The following SPIRE2 variants were observed in gnomAD, a reference collection of about 807,000 sequenced individuals.
SPIRE2 encodes protein spire homolog 2.
A neutral mutation model predicts 80.7 loss-of-function variants in SPIRE2; 76 were observed. The ratio of observed to expected loss-of-function variants is 0.94; its 90% CI spans 0.78 to 1.14. SPIRE2 has a LOEUF of 1.14. Among genes scored for constraint, SPIRE2 ranks in the 50% most tolerant of loss-of-function variants. The pLI is 0.00. For synonymous variants in SPIRE2, 535 were observed against 432.6 expected, an observed-to-expected ratio of 1.24 and a Z score of -2.94; for missense variants, 1,196 against 1,015.3, an observed-to-expected ratio of 1.18 and a Z score of -2.42.
At position 89,863,184 on chromosome 16, in the gene SPIRE2, C is replaced by A; in HGVS notation, c.1576-292C>A. ...GATCAGCCCATGGTGTGTTTGCAGG[C>A]AGGGACACCTTGAACAGACATGGGC... On this transcript the variant is annotated intron_variant, in intron 10 of 14. Transcript: ENST00000378247. This position sits in a 1 kb window ranked among gnomAD's most constrained non-coding sequence, Gnocchi z 4.3. 2.2e-6 allele frequency: 1 copy of A among 452,186 alleles called. No homozygotes were observed. Among genetic ancestry groups the A allele is most frequent in the Non-Finnish European group, 4.1e-6 (1 of 246,128 alleles). The allele number at this position is 452,186 out of a possible 1,614,324, so 28.0% of individuals were successfully genotyped here.
Position 89,850,535 on chromosome 16 carries a change from C to T in SPIRE2, c.520C>T (p.Leu174=). 2 of 1,515,360 alleles carry T rather than the reference C, an allele frequency of 1.3e-6. No individual in the cohort carries two copies. Among genetic ancestry groups the T allele is most frequent in the Non-Finnish European group, 1.8e-6 (2 of 1,136,404 alleles). The allele number at this position is 1,515,360 out of a possible 1,614,324, so 93.9% of individuals were successfully genotyped here. A position where few individuals can be genotyped will look rare whatever the true frequency, so the allele number is the denominator to read the frequency against. ...GCGCACCTTTGCCCAGGCCATGCGG[C>T]TGTGCGCGGCGCGGCTGACCGACCC... ...SVRTFAQAMR[L]CAARLTDPRG... The change falls in exon 3 of 15, where the codon CTG becomes TTG. Residue 174 remains leucine (L), a synonymous_variant. Coordinates refer to ENST00000378247, the MANE Select transcript of SPIRE2 (RefSeq NM_032451.2).
At chr16:89,839,100 G>A (rs2041478648) in intron 1 of SPIRE2, among the ~76,000 whole-genome samples, 1 of 152,106 alleles carries the variant, frequency 6.6e-6, no homozygotes, top group Non-Finnish European at 1.5e-5. Flanking sequence ...CCAGCACTTT[G>A]GGAGGCCAAG....
chr16:89,850,440 G>T lies in SPIRE2; in HGVS notation c.425G>T (p.Cys142Phe). ...MANNDSEDSG[C>F]GAADEGYGGP... ...AACAACGACAGCGAGGACAGCGGCT[G>T]CGGTGCCGCCGATGAGGGCTACGGG... Residue 142 changes from cysteine to phenylalanine, a missense_variant, in exon 3 of 15, where the codon TGC becomes TTC. Transcript: ENST00000378247. 1 of 1,570,544 alleles carries T rather than the reference G, an allele frequency of 6.4e-7. No individual in the cohort carries two copies. Among genetic ancestry groups the T allele is most frequent in the Middle Eastern group, 1.7e-4 (1 of 5,974 alleles).
chr16:89,837,575 G>C (rs2041462130), intron 1 of SPIRE2, among the ~76,000 whole-genome samples: 1 of 152,186 alleles, frequency 6.6e-6, no homozygotes, highest in Non-Finnish European at 1.5e-5. Context: ...CTCAAGACTT[G>C]ACACACGCCA....
chr16:89,855,731 G>T (rs971050516), intron 6 of SPIRE2, 45 bp downstream of exon 6: 2 of 1,581,678 alleles, frequency 1.3e-6, no homozygotes, highest in Non-Finnish European at 1.7e-6. Context: ...CCGGGGCCTG[G>T]TGCTGTCCTG....
At position 89,858,501 on chromosome 16, in the gene SPIRE2, A is replaced by G; in HGVS notation, c.1266A>G (p.Thr422=). The G allele has an allele frequency of 6.3e-7, 1 of 1,591,222 alleles. No individual in the cohort carries two copies. Among genetic ancestry groups the G allele is most frequent in the East Asian group, 2.3e-5 (1 of 44,122 alleles). Residue 422 remains threonine (T), a synonymous_variant, in exon 8 of 15, where the codon ACA becomes ACG. Coordinates refer to ENST00000378247, the MANE Select transcript of SPIRE2 (RefSeq NM_032451.2). ...PTLAEMEEMN[T]SEEEESPCGE... is the part of the protein sequence containing the mutation. ...TGGCTGAAATGGAAGAGATGAATAC[A>G]TCTGAGGTCAGAACCCATGGGGATT...
chr16:89,854,221 C>CG (rs2041665602), intron 3 of SPIRE2, 65 bp from the exon 4 acceptor site: 2 of 1,469,512 alleles, frequency 1.4e-6, no homozygotes, highest in Admixed American at 3.7e-5. Flanking sequence ...CCCTGACGGA[C>CG]GGGGCCCGTC....
At chr16:89,847,679 G>A (rs2041576061) in intron 2 of SPIRE2, among the ~76,000 whole-genome samples, 1 of 152,214 alleles carries the variant, frequency 6.6e-6, no homozygotes, top group Admixed American at 6.5e-5. Flanking sequence ...GGTGTCCTGG[G>A]CTGGCAGTAC....
intron 1 of SPIRE2, among the ~76,000 whole-genome samples, chr16:89,837,821 GA>G (rs1388042734): frequency 1.3e-5 from 2 of 152,162 alleles, no homozygotes; most frequent in African/African-American, 4.8e-5. Flanking sequence ...CTCAGCCAGG[GA>G]TCAGCCACCG....
At chr16:89,849,662 T>C (rs2041602304) in intron 2 of SPIRE2, among the ~76,000 whole-genome samples, 1 of 152,072 alleles carries the variant, frequency 6.6e-6, no homozygotes, top group Non-Finnish European at 1.5e-5. Flanking sequence ...TGGAAGTCGG[T>C]GCAGACGATG....
At chr16:89,833,616 T>TTC (rs1482775434) in intron 1 of SPIRE2, among the ~76,000 whole-genome samples, 1 of 152,246 alleles carries the variant, frequency 6.6e-6, no homozygotes, top group Non-Finnish European at 1.5e-5. Context: ...CTCGGTTTCC[T>TTC]TCTCCGTGAA....
At chr16:89,838,707 C>G (rs62056065) in intron 1 of SPIRE2, among the ~76,000 whole-genome samples, 9,428 of 152,238 alleles carry the variant, frequency 0.062, 449 homozygotes, top group East Asian at 0.23. Flanking sequence ...TCCACATGCT[C>G]CAAATCAAAG....
At chr16:89,867,309 A>C (rs1054841913) in intron 12 of SPIRE2, among the ~76,000 whole-genome samples, 2 of 150,856 alleles carry the variant, frequency 1.3e-5, no homozygotes, top group African/African-American at 4.9e-5. Context: ...ATGCCCGGCT[A>C]ATTTTTTGTA....
At chr16:89,842,767 C>T (rs1029762075) in intron 1 of SPIRE2, among the ~76,000 whole-genome samples, 32 of 152,202 alleles carry the variant, frequency 2.1e-4, no homozygotes, top group African/African-American at 7.2e-4. Flanking sequence ...TCGGCCCAAT[C>T]ACAGCTGCAA....
intron 13 of SPIRE2, among the ~76,000 whole-genome samples, chr16:89,868,660 C>A (rs1290597763): frequency 6.6e-6 from 1 of 151,952 alleles, no homozygotes; most frequent in Non-Finnish European, 1.5e-5. Context: ...TGAGACCAGC[C>A]TGGCCAACAT....
intron 1 of SPIRE2, among the ~76,000 whole-genome samples, chr16:89,844,271 C>T (rs551801749): frequency 2.6e-4 from 40 of 152,076 alleles, no homozygotes; most frequent in African/African-American, 3.6e-4. Context: ...TGGGTTCAAG[C>T]GATTCTCACG....
At chr16:89,836,306 C>T in intron 1 of SPIRE2, 3 of 455,304 alleles carry the variant, frequency 6.6e-6, no homozygotes, top group Non-Finnish European at 1.3e-5. Context: ...GGTACATGCT[C>T]ACAGGTTCTG....
chr16:89,842,382 T>C (rs2041514705), intron 1 of SPIRE2, among the ~76,000 whole-genome samples: 1 of 151,778 alleles, frequency 6.6e-6, no homozygotes, highest in Admixed American at 6.6e-5. Flanking sequence ...CCAGCTAATT[T>C]TTGTATTTTT....
At chr16:89,854,103 G>A (rs1420582227) in intron 3 of SPIRE2, among the ~76,000 whole-genome samples, 183 bp from the exon 4 acceptor site, 6 of 152,260 alleles carry the variant, frequency 3.9e-5, no homozygotes, top group African/African-American at 1.2e-4. Flanking sequence ...CGCCTGTGGC[G>A]ATGGCTCGGT....
Sources: allele counts gnomAD v4.1 joint callset (sites outside exome capture counted in the v4.1 genomes callset), GRCh38; gene constraint gnomAD v4.1.1; non-coding constraint Gnocchi (gnomAD v3.1); transcripts MANE v1.5; gene names NCBI Gene and HGNC (gene_info 2026-07-23, HGNC 2026-07-21).